Variants in GLCE observed in about 807,000 individuals in gnomAD.
GLCE encodes D-glucuronyl C5-epimerase.
A neutral mutation model predicts 47.9 loss-of-function variants in GLCE; 19 were observed. The observed-to-expected ratio is 0.40, with a 90% CI of 0.28 to 0.58. The LOEUF (loss-of-function observed/expected upper bound fraction) is 0.58. Among genes scored for constraint, GLCE ranks in the 20% least tolerant of loss-of-function variants. GLCE has a pLI of 0.48. For synonymous variants in GLCE, 245 were observed against 263.4 expected (o/e 0.93, Z 0.68); for missense variants, 556 against 743.3 (o/e 0.75, Z 2.93).
chr15:69,175,400 C>A (rs2051648164), intron 1 of GLCE, among the ~76,000 whole-genome samples: 1 of 152,064 alleles, frequency 6.6e-6, no homozygotes, highest in African/African-American at 2.4e-5. Context: ...AACGAAATTT[C>A]TTTTTAGAAA....
At chr15:69,237,158 A>G (rs6494790) in intron 2 of GLCE, among the ~76,000 whole-genome samples, 1 of 152,056 alleles carries the variant, frequency 6.6e-6, no homozygotes, top group Non-Finnish European at 1.5e-5. Context: ...AGTATTGTTT[A>G]TTCTACCAGA....
At chr15:69,267,726 G>A (rs1566974468) in intron 4 of GLCE, among the ~76,000 whole-genome samples, 1 of 152,054 alleles carries the variant, frequency 6.6e-6, no homozygotes, top group Admixed American at 6.6e-5. Flanking sequence ...GAATAAATAG[G>A]TGTAAAGCCC....
intron 2 of GLCE, among the ~76,000 whole-genome samples, chr15:69,251,454 G>A (rs1053568931): frequency 1.3e-5 from 2 of 152,124 alleles, no homozygotes; most frequent in African/African-American, 4.8e-5. Flanking sequence ...CATGGCAAAC[G>A]TATACCTGCA....
intron 1 of GLCE, among the ~76,000 whole-genome samples, chr15:69,192,977 C>G (rs753380030): frequency 6.6e-6 from 1 of 151,978 alleles, no homozygotes; most frequent in Non-Finnish European, 1.5e-5. Context: ...GGGGGTTCAC[C>G]CTCCACATGT....
rs1292642641 is a variant in GLCE at position 69,270,572 on chromosome 15, C to T, written c.*1328C>T. On this transcript the variant is annotated 3_prime_UTR_variant, in exon 5 of 5. Transcript: ENST00000261858. Reference sequence around the variant, plus strand: ...CTTATACAGTTTGAAAATATGATACCCTACACTTTCAGGGGACCGAGTCTG... The same window carrying T: ...CTTATACAGTTTGAAAATATGATACTCTACACTTTCAGGGGACCGAGTCTG... The T allele has an allele frequency of 6.6e-6, 1 of 152,000 alleles. No individual in the cohort carries two copies. Among genetic ancestry groups the T allele is most frequent in the East Asian group, 1.9e-4 (1 of 5,182 alleles). The allele number at this position is 152,000 out of a possible 1,614,324, so 9.4% of individuals were successfully genotyped here. A position where few individuals can be genotyped will look rare whatever the true frequency, so the allele number is the denominator to read the frequency against.
In GLCE at chr15:69,270,976, T is replaced by C. The variant is rs1325618778; in HGVS notation, c.*1732T>C. ...CCCTAATTTTTATTCCCAGTGCCGA[T>C]GTTCAAAATAAACTTTCTCCAGTCT... On this transcript the variant is annotated 3_prime_UTR_variant, in exon 5 of 5. Coordinates refer to ENST00000261858, the MANE Select transcript of GLCE (RefSeq NM_015554.3). 6.6e-6 allele frequency: 1 copy of C among 152,286 alleles called. No individual in the cohort carries two copies. The highest frequency in any genetic ancestry group is 2.4e-5 in the African/African-American group (1 of 41,462). The allele number at this position is 152,286 out of a possible 1,614,324, so 9.4% of individuals were successfully genotyped here.
chr15:69,169,046 C>T lies in GLCE; in HGVS notation c.-105+8289C>T, dbSNP rs532259766. Among the ~76,000 whole-genome samples, 4 of 152,296 alleles carry T rather than the reference C, an allele frequency of 2.6e-5. No homozygotes were observed. The South Asian group carries it at 8.3e-4, about 32-fold the overall frequency. On this transcript the variant is annotated intron_variant, in intron 1 of 4. Transcript: ENST00000261858. Reference sequence around the variant, plus strand: ...CGAAAGTTACCACTTTTCTGATACCCATCACTATAGATTAGTTGTGTTTAT... The same window carrying T: ...CGAAAGTTACCACTTTTCTGATACCTATCACTATAGATTAGTTGTGTTTAT...
At chr15:69,264,820 C>A (rs1412505303) in intron 4 of GLCE, among the ~76,000 whole-genome samples, 1 of 152,024 alleles carries the variant, frequency 6.6e-6, no homozygotes, top group Non-Finnish European at 1.5e-5. Flanking sequence ...TTTTTATATA[C>A]CTTTTGGCCA....
chr15:69,243,013 T>C (rs1392717943), intron 2 of GLCE, among the ~76,000 whole-genome samples: 1 of 131,842 alleles, frequency 7.6e-6, no homozygotes, highest in African/African-American at 3.0e-5. Context: ...GCTATGAGCA[T>C]GGCACTGCAC....
At chr15:69,206,412 C>T (rs577924343) in intron 1 of GLCE, among the ~76,000 whole-genome samples, 1 of 152,136 alleles carries the variant, frequency 6.6e-6, no homozygotes, top group Non-Finnish European at 1.5e-5. Context: ...TTGCTAATTT[C>T]AGCCCACAAT....
At chr15:69,172,143 A>AT (rs990689771) in intron 1 of GLCE, among the ~76,000 whole-genome samples, 5 of 151,952 alleles carry the variant, frequency 3.3e-5, no homozygotes, top group Admixed American at 3.3e-4. Context: ...TCAATTAACC[A>AT]TTTTTTTTGA....
chr15:69,230,164 C>A lies in GLCE; in HGVS notation c.-14+19758C>A, dbSNP rs746926932. On this transcript the variant is annotated intron_variant, in intron 2 of 4. Transcript: ENST00000261858. Reference sequence around the variant, plus strand: ...CAGAGGTTACAGTGAGCCAAGATCGCGCCATTGTACTCCAGCCTGGGTGAC... The same window carrying A: ...CAGAGGTTACAGTGAGCCAAGATCGAGCCATTGTACTCCAGCCTGGGTGAC... Among the ~76,000 whole-genome samples the A allele has an allele frequency of 2.0e-5, 3 of 149,810 alleles. No individual in the cohort carries two copies. In the East Asian group the frequency reaches 6.1e-4, roughly 30 times the overall value.
chr15:69,174,215 G>A (rs998021356), intron 1 of GLCE, among the ~76,000 whole-genome samples: 2 of 152,206 alleles, frequency 1.3e-5, no homozygotes, highest in African/African-American at 4.8e-5. Flanking sequence ...TTTTAGTCTT[G>A]TTTTAGAAAT....
chr15:69,234,537 T>C (rs948637395), intron 2 of GLCE, among the ~76,000 whole-genome samples: 2 of 152,190 alleles, frequency 1.3e-5, no homozygotes, highest in African/African-American at 4.8e-5. Flanking sequence ...GATATATATA[T>C]ATGGAATATA....
chr15:69,258,493 A>G (rs2052965627), intron 3 of GLCE, among the ~76,000 whole-genome samples: 1 of 152,200 alleles, frequency 6.6e-6, no homozygotes, highest in Non-Finnish European at 1.5e-5. Flanking sequence ...TAGTAAGGAC[A>G]TGCCATGATA....
At chr15:69,251,405 C>T (rs1366065450) in intron 2 of GLCE, among the ~76,000 whole-genome samples, 1 of 152,130 alleles carries the variant, frequency 6.6e-6, no homozygotes, top group African/African-American at 2.4e-5. Context: ...TAGAAAATAA[C>T]ATATTTGGTG....
intron 4 of GLCE, among the ~76,000 whole-genome samples, chr15:69,267,814 G>T (rs1595793964): frequency 1.3e-5 from 2 of 148,676 alleles, no homozygotes; most frequent in Non-Finnish European, 3.0e-5. Context: ...CCTCTTTCTT[G>T]CAATATTATG....
At chr15:69,191,300 A>G (rs1308597223) in intron 1 of GLCE, among the ~76,000 whole-genome samples, 1 of 152,106 alleles carries the variant, frequency 6.6e-6, no homozygotes, top group Non-Finnish European at 1.5e-5. Flanking sequence ...TTTCAGAAAG[A>G]TATTTTTACT....
intron 1 of GLCE, among the ~76,000 whole-genome samples, chr15:69,201,978 G>A (rs2052081613): frequency 6.6e-6 from 1 of 151,942 alleles, no homozygotes; most frequent in Non-Finnish European, 1.5e-5. Context: ...GAGTGCATTG[G>A]TATGAGCACA....
Sources: allele counts gnomAD v4.1 joint callset (sites outside exome capture counted in the v4.1 genomes callset), GRCh38; gene constraint gnomAD v4.1.1; transcripts MANE v1.5; gene names NCBI Gene and HGNC (gene_info 2026-07-23, HGNC 2026-07-21).